Variants in FGF13 observed in about 807,000 individuals in gnomAD.
The protein encoded by FGF13 is fibroblast growth factor homologous factor 2.
In FGF13, 2 loss-of-function variants were observed where a neutral mutation model predicts 19.5. The observed-to-expected ratio is 0.10, with a 90% confidence interval of 0.04 to 0.32. The LOEUF (loss-of-function observed/expected upper bound fraction) is 0.32. Ranked by LOEUF, FGF13 falls within the 10% of genes least tolerant of loss-of-function variation. The pLI, the probability that FGF13 is intolerant of heterozygous loss-of-function variation, is 1.00. For synonymous variants in FGF13, 72 were observed against 76.9 expected (o/e 0.94, Z 0.33); for missense variants, 113 against 192.7 (o/e 0.59, Z 2.45).
intron 1 of FGF13, among the ~76,000 whole-genome samples, chrX:139,138,926 CTTTTTTTTTT>C (rs758384021): frequency 1.2e-5 from 1 of 85,554 alleles, no homozygotes; most frequent in African/African-American, 4.5e-5. Flanking sequence ...TGTTATTTAT[CTTTTTTTTTT>C]TTTTTTTTTT....
chrX:138,929,241 GT>G (rs2091688720), intron 1 of FGF13, among the ~76,000 whole-genome samples: 1 of 107,649 alleles, frequency 9.3e-6, no homozygotes, highest in African/African-American at 3.4e-5. Flanking sequence ...AACTCTGTGT[GT>G]GTGTGTGTGT....
At chrX:138,829,357 G>T (rs2091055875) in intron 3 of FGF13, among the ~76,000 whole-genome samples, 1 of 110,918 alleles carries the variant, frequency 9.0e-6, no homozygotes, top group African/African-American at 3.3e-5. Flanking sequence ...TTACTCTACT[G>T]GTTCCCAAGA....
At chrX:138,998,689 T>A (rs1432085924) in intron 1 of FGF13, among the ~76,000 whole-genome samples, 1 of 111,149 alleles carries the variant, frequency 9.0e-6, no homozygotes, top group African/African-American at 3.3e-5. Context: ...ATAAGGCAAA[T>A]CCTTAGAGAC....
intron 1 of FGF13, among the ~76,000 whole-genome samples, chrX:138,958,549 G>A (rs967359489): frequency 1.8e-5 from 2 of 111,985 alleles, no homozygotes; most frequent in Admixed American, 9.5e-5. Context: ...AAGAGTTAGG[G>A]AGGATTCCTT....
rs1414025749 is a variant in FGF13, at chrX:138,620,764, T to C, written c.*12086A>G. 9.0e-6 allele frequency: 1 copy of C among 111,511 alleles called. No individual in the cohort carries two copies. The allele number at this position is 111,511 out of a possible 1,213,427, so 9.2% of individuals were successfully genotyped here. A position where few individuals can be genotyped will look rare whatever the true frequency, so the allele number is the denominator to read the frequency against. On this transcript the variant is annotated 3_prime_UTR_variant, in exon 5 of 5. Transcript: ENST00000315930. ...TAGTCACTTTAGCTGCAAGGACACG[T>C]ATAAACTGAAAGTGAAGAGATTAAA...
chrX:138,743,167 T>A (rs537718098), upstream of FGF13, among the ~76,000 whole-genome samples: 1 of 111,924 alleles, frequency 8.9e-6, no homozygotes, highest in South Asian at 3.8e-4. Flanking sequence ...GGTGAATGAA[T>A]AAGTAAACTG....
chrX:139,006,717 T>C (rs1356104838), intron 1 of FGF13, among the ~76,000 whole-genome samples: 1 of 112,227 alleles, frequency 8.9e-6, no homozygotes, highest in Non-Finnish European at 1.9e-5. Context: ...GTAGAATTGT[T>C]GTTACTTTTC....
At chrX:138,722,644 T>A (rs943240650) in intron 1 of FGF13, among the ~76,000 whole-genome samples, 1 of 111,572 alleles carries the variant, frequency 9.0e-6, no homozygotes. Context: ...ATCCTATGCT[T>A]CAACTAGTAT....
rs2091603318 is a variant in FGF13 at position 138,913,691 on chromosome X, AG to A, written c.-112-49042del. On this transcript the variant is annotated intron_variant, in intron 1 of 2. Coordinates refer to the FGF13 transcript ENST00000421460. ...AAGGAAGGAAGGAAGGAAGGAAGGAAGGAAGGAAGGAAGGAAAGAAAACTAT... is the reference window on the plus strand; with the variant it reads ...AAGGAAGGAAGGAAGGAAGGAAGGAAGAAGGAAGGAAGGAAAGAAAACTAT... Among the ~76,000 whole-genome samples the A allele has an allele frequency of 1.0e-4, 11 of 106,756 alleles. 1 individual carries two copies. Among genetic ancestry groups the A allele is most frequent in the South Asian group, 4.5e-4 (1 of 2,224 alleles). 92.7% of individuals were successfully genotyped at this position (106,756 alleles called of 115,157 possible).
intron 3 of FGF13, among the ~76,000 whole-genome samples, chrX:138,807,520 A>G (rs1405232254): frequency 8.9e-6 from 1 of 112,169 alleles, no homozygotes; most frequent in Non-Finnish European, 1.9e-5. Context: ...CGATGCTAGG[A>G]AGAAACTGCA....
chrX:138,820,697 G>A (rs184134090), intron 3 of FGF13, among the ~76,000 whole-genome samples: 6 of 111,942 alleles, frequency 5.4e-5, no homozygotes, highest in African/African-American at 9.7e-5. Flanking sequence ...TATTTTATTT[G>A]AGAGATACAT....
chrX:138,898,827 G>A, intron 1 of FGF13, among the ~76,000 whole-genome samples: 1 of 111,753 alleles, frequency 8.9e-6, no homozygotes, highest in East Asian at 2.8e-4. Context: ...CAGTTTGAGG[G>A]AGAAATAATT....
downstream of FGF13, among the ~76,000 whole-genome samples, chrX:138,853,060 A>G (rs965273844): frequency 1.8e-5 from 2 of 111,916 alleles, no homozygotes; most frequent in African/African-American, 6.5e-5. Context: ...GGAGACAGAC[A>G]TGGAACCTAG....
rs1465893105 is a variant in FGF13 at position 138,617,143 on chromosome X, T to C, written c.*15707A>G. ...TATCTTGAAAGGAGTTTCTGTTACATGGTGCACGCATTTGTCAATACACAT... is the reference window on the plus strand; with the variant it reads ...TATCTTGAAAGGAGTTTCTGTTACACGGTGCACGCATTTGTCAATACACAT... On this transcript the variant is annotated 3_prime_UTR_variant, in exon 5 of 5. Transcript: ENST00000315930. 4.5e-5 allele frequency: 5 copies of C among 111,761 alleles called. No homozygotes were observed. The highest frequency in any genetic ancestry group is 1.6e-4 in the African/African-American group (5 of 30,768). The allele number at this position is 111,761 out of a possible 1,213,427, so 9.2% of individuals were successfully genotyped here.
At chrX:138,706,703 G>GA (rs925585138) in intron 2 of FGF13, among the ~76,000 whole-genome samples, 5 of 108,995 alleles carry the variant, frequency 4.6e-5, no homozygotes, top group South Asian at 7.8e-4. Context: ...TGGTTTTAAG[G>GA]AAAAAAAAAG....
intron 3 of FGF13, among the ~76,000 whole-genome samples, chrX:138,647,270 T>C (rs2089318029): frequency 1.9e-5 from 2 of 106,338 alleles, no homozygotes; most frequent in Admixed American, 1.0e-4. Context: ...AAGTTCAAGA[T>C]TGGTGCAAAG....
Position 139,047,049 on chromosome X carries a change from T to C in FGF13, c.-113+156367A>G, listed in dbSNP as rs1374462142. The stretch of plus-strand genomic sequence containing the variant: ...CTGGTTCAATCATTCAAGCCTCTTA[T>C]GTATCTACCTCATGGGATCTGAGAG... On this transcript the variant is annotated intron_variant, in intron 1 of 2. Transcript: ENST00000421460. Among the ~76,000 whole-genome samples, 3 of 112,478 alleles carry C rather than the reference T, an allele frequency of 2.7e-5. No homozygotes were observed. The Admixed American group carries it at 2.8e-4, about 11-fold the overall frequency.
intron 3 of FGF13, among the ~76,000 whole-genome samples, chrX:138,745,681 T>C (rs140953258): frequency 0.011 from 1,221 of 112,421 alleles, 8 homozygotes; most frequent in Non-Finnish European, 0.017. Context: ...GTCAAATTCT[T>C]ACTCTATTTC....
intron 3 of FGF13, among the ~76,000 whole-genome samples, chrX:138,748,778 C>T (rs372761521): frequency 4.5e-5 from 5 of 111,167 alleles, no homozygotes; most frequent in African/African-American, 9.8e-5. Context: ...TACAACATTG[C>T]GCTCATAGTT....
Sources: allele counts gnomAD v4.1 joint callset (sites outside exome capture counted in the v4.1 genomes callset), GRCh38; gene constraint gnomAD v4.1.1; transcripts MANE v1.5; gene names NCBI Gene and HGNC (gene_info 2026-07-23, HGNC 2026-07-21).